PIK3C3: variants seen among roughly 807,000 people sequenced by gnomAD.
PIK3C3 encodes the protein PI3-kinase type 3.
Under a neutral mutation model 126.1 loss-of-function variants are expected in PIK3C3, and 95 were observed. The ratio of observed to expected loss-of-function variants is 0.75; its 90% CI spans 0.64 to 0.89. The LOEUF (loss-of-function observed/expected upper bound fraction) is 0.89, where lower values mean the gene tolerates loss of function less well. PIK3C3 is among the 40% of genes least tolerant of loss of function. The pLI is 0.00. For synonymous variants in PIK3C3, 374 were observed against 360.0 expected (o/e 1.04, Z -0.44); for missense variants, 829 against 1,063.2 (o/e 0.78, Z 3.06).
At chr18:42,043,157 G>A (rs1403942003) in intron 19 of PIK3C3, among the ~76,000 whole-genome samples, 3 of 151,236 alleles carry the variant, frequency 2.0e-5, no homozygotes, top group Admixed American at 6.6e-5. Flanking sequence ...GGAGTGCAGT[G>A]GTGCGATCTC....
chr18:41,960,242 A>G (rs1010635446), intron 2 of PIK3C3, among the ~76,000 whole-genome samples: 1 of 152,202 alleles, frequency 6.6e-6, no homozygotes, highest in Admixed American at 6.5e-5. Context: ...ACTTCCTTTA[A>G]TTACACTTAA....
intron 2 of PIK3C3, among the ~76,000 whole-genome samples, chr18:41,958,752 TAC>T (rs1253164403): frequency 4.6e-5 from 7 of 152,072 alleles, no homozygotes; most frequent in African/African-American, 7.2e-5. Context: ...TATGTAGATA[TAC>T]ACACACACAT....
At chr18:42,079,845 G>T (rs901099292) in intron 24 of PIK3C3, among the ~76,000 whole-genome samples, 1 of 152,068 alleles carries the variant, frequency 6.6e-6, no homozygotes, top group Non-Finnish European at 1.5e-5. Context: ...CCTTCAAAAA[G>T]AACCTTCTTT....
chr18:41,955,383 A>G (rs777932733), intron 1 of PIK3C3, 24 bp downstream of exon 1: 8 of 1,601,540 alleles, frequency 5.0e-6, no homozygotes, highest in Non-Finnish European at 6.8e-6. Context: ...CGGGACAGGG[A>G]GTGGGATTGC....
chr18:42,019,146 C>T (rs1273563801), intron 12 of PIK3C3, among the ~76,000 whole-genome samples: 1 of 152,116 alleles, frequency 6.6e-6, no homozygotes, highest in Non-Finnish European at 1.5e-5. Context: ...CTACCCCATA[C>T]TTTCCTTCTG....
At chr18:41,979,041 GT>G (rs1489196167) in intron 4 of PIK3C3, among the ~76,000 whole-genome samples, 1 of 124,836 alleles carries the variant, frequency 8.0e-6, no homozygotes, top group Admixed American at 9.8e-5. Context: ...ACCAGGCTGA[GT>G]AACATAAGAG....
chr18:41,956,354 T>C (rs1979771971), intron 1 of PIK3C3, among the ~76,000 whole-genome samples: 1 of 152,178 alleles, frequency 6.6e-6, no homozygotes, highest in Non-Finnish European at 1.5e-5. Flanking sequence ...AACAACCACC[T>C]TGTACCTTTG....
chr18:41,970,827 A>C, intron 4 of PIK3C3: 1 of 341,572 alleles, frequency 2.9e-6, no homozygotes, highest in Non-Finnish European at 5.4e-6. Context: ...TTTCATATAA[A>C]TGGAATCATT....
intron 11 of PIK3C3, among the ~76,000 whole-genome samples, chr18:42,014,207 C>CAAAAAAAAA (rs58086258): frequency 2.4e-5 from 1 of 40,978 alleles, no homozygotes; most frequent in Non-Finnish European, 4.9e-5. Context: ...GACTCCGTCT[C>CAAAAAAAAA]AAAAAAAAAA....
intron 21 of PIK3C3, among the ~76,000 whole-genome samples, chr18:42,057,233 G>T (rs1985110087): frequency 6.6e-6 from 1 of 151,634 alleles, no homozygotes; most frequent in South Asian, 2.1e-4. Context: ...CAACTAAATT[G>T]CTATTTACAT....
In PIK3C3 at chr18:41,957,664, T is replaced by G; in HGVS notation, c.163T>G (p.Ser55Ala). The change falls in exon 2 of 25, where the codon TCT (serine) becomes GCT (alanine). Residue 55 changes from serine (S) to alanine (A), a missense_variant. Physicochemically the swap from Ser to Ala is moderately conservative, Grantham distance 99. Coordinates refer to ENST00000262039, the MANE Select transcript of PIK3C3 (RefSeq NM_002647.4). ...CTCAGGACTATATCAAGAGACATGC[T>G]CTGATCTTTATGTTACTTGTCAAGT... Reference protein sequence around the residue: ...KFSGLYQETCSDLYVTCQVFA... With the variant: ...KFSGLYQETCADLYVTCQVFA... The G allele has an allele frequency of 6.2e-7, 1 of 1,613,990 alleles. No individual in the cohort carries two copies. Among genetic ancestry groups the G allele is most frequent in the Non-Finnish European group, 8.5e-7 (1 of 1,179,904 alleles).
At chr18:42,050,523 C>T (rs936233350) in intron 21 of PIK3C3, 1 of 152,190 alleles carries the variant, frequency 6.6e-6, no homozygotes, top group African/African-American at 2.4e-5. Context: ...CTGTTTCTCA[C>T]CTCATTTTTC....
At position 42,061,057 on chromosome 18, in the gene PIK3C3, G is replaced by A. The variant is rs184914538; in HGVS notation, c.2432+3006G>A. ...TGGATTTCTATTTTCAGTAATAAAG[G>A]TTTTTCCTGAAAAATTTAAACTATC... On this transcript the variant is annotated intron_variant, in intron 22 of 24. Transcript: ENST00000262039. Among the ~76,000 whole-genome samples the A allele has an allele frequency of 1.6e-4, 24 of 152,234 alleles. No homozygotes were observed. In the East Asian group the frequency reaches 4.2e-3, roughly 27 times the overall value.
chr18:41,992,467 C>T (rs1263727732), intron 6 of PIK3C3, among the ~76,000 whole-genome samples: 4 of 152,174 alleles, frequency 2.6e-5, no homozygotes, highest in Non-Finnish European at 4.4e-5. Context: ...AAATTGAAAA[C>T]ATACTAGCAT....
chr18:42,077,335 A>C (rs1406258914), intron 24 of PIK3C3, among the ~76,000 whole-genome samples: 1 of 152,228 alleles, frequency 6.6e-6, no homozygotes, highest in Non-Finnish European at 1.5e-5. Flanking sequence ...TTCACAAAAG[A>C]TCTCTCTGTA....
intron 6 of PIK3C3, among the ~76,000 whole-genome samples, chr18:41,991,705 G>C (rs1276426756): frequency 6.6e-6 from 1 of 152,060 alleles, no homozygotes; most frequent in Non-Finnish European, 1.5e-5. Flanking sequence ...CTTTTTTCAA[G>C]TTACTGTTCA....
At chr18:42,064,068 C>G (rs1320431223) in intron 22 of PIK3C3, among the ~76,000 whole-genome samples, 1 of 152,164 alleles carries the variant, frequency 6.6e-6, no homozygotes, top group South Asian at 2.1e-4. Context: ...CATTTGTTCT[C>G]TTTGGAGGAA....
chr18:42,042,669 A>G, intron 19 of PIK3C3, among the ~76,000 whole-genome samples: 1 of 152,226 alleles, frequency 6.6e-6, no homozygotes, highest in East Asian at 1.9e-4. Context: ...GACAGTTTGT[A>G]TACTGATTCT....
Position 42,001,574 on chromosome 18 carries a change from C to T in PIK3C3, c.985-2782C>T, listed in dbSNP as rs539042638. 6.6e-5 allele frequency among the ~76,000 whole-genome samples: 10 copies of T among 152,274 alleles called. No individual in the cohort carries two copies. In the South Asian group the frequency reaches 2.1e-3, roughly 32 times the overall value. ...ACTTTTTGTCTTTCTTATTCTTTGA[C>T]TCCTTGTTTTCTTCTTCATTCTGTT... On this transcript the variant is annotated intron_variant, in intron 9 of 24. Transcript: ENST00000262039.
Sources: allele counts gnomAD v4.1 joint callset (sites outside exome capture counted in the v4.1 genomes callset), GRCh38; gene constraint gnomAD v4.1.1; transcripts MANE v1.5; gene names NCBI Gene and HGNC (gene_info 2026-07-23, HGNC 2026-07-21).